The following NRG3 variants were observed in gnomAD, a reference collection of about 807,000 sequenced individuals.
NRG3 encodes the protein neuregulin 3.
Under a neutral mutation model 66.9 loss-of-function variants are expected in NRG3, and 31 were observed. That is an observed-to-expected ratio of 0.46 (90% confidence interval 0.35 to 0.63). The LOEUF is 0.63. NRG3 is among the 20% of genes least tolerant of loss of function. The pLI is 0.00. For missense variants in NRG3, 910 were observed against 878.9 expected (o/e 1.04, Z -0.45); for synonymous variants, 393 against 359.4 (o/e 1.09, Z -1.06).
At chr10:82,003,019 G>A (rs1050328996) in intron 1 of NRG3, among the ~76,000 whole-genome samples, 1 of 152,100 alleles carries the variant, frequency 6.6e-6, no homozygotes, top group African/African-American at 2.4e-5. Flanking sequence ...TGATGTGTCT[G>A]GACAAGTAAA....
At chr10:82,663,651 T>C (rs1408250735) in intron 2 of NRG3, among the ~76,000 whole-genome samples, 2 of 152,192 alleles carry the variant, frequency 1.3e-5, no homozygotes, top group African/African-American at 4.8e-5. Context: ...GCTCATCAAG[T>C]GTTTGCAGCT....
At chr10:82,645,759 G>GA (rs1196651631) in intron 2 of NRG3, among the ~76,000 whole-genome samples, 1 of 152,062 alleles carries the variant, frequency 6.6e-6, no homozygotes, top group Non-Finnish European at 1.5e-5. Context: ...TATAGGTGGG[G>GA]AAAAAACAAG....
chr10:82,216,503 T>C (rs1471785599), intron 1 of NRG3, among the ~76,000 whole-genome samples: 1 of 148,778 alleles, frequency 6.7e-6, no homozygotes, highest in Non-Finnish European at 1.5e-5. Context: ...TATCTATACA[T>C]ATACACACAC....
chr10:82,129,718 G>A (rs1428846473), intron 1 of NRG3, among the ~76,000 whole-genome samples: 4 of 151,772 alleles, frequency 2.6e-5, no homozygotes, highest in South Asian at 4.2e-4. Context: ...GCTCCACCAT[G>A]CCCGGCTAAT....
intron 2 of NRG3, among the ~76,000 whole-genome samples, chr10:82,598,123 G>A (rs928422017): frequency 5.9e-5 from 9 of 151,986 alleles, no homozygotes; most frequent in Non-Finnish European, 1.5e-5. Flanking sequence ...TTATAGACAG[G>A]CCTGAACAAC....
At chr10:82,309,646 G>C (rs7903018) in intron 1 of NRG3, among the ~76,000 whole-genome samples, 1 of 151,840 alleles carries the variant, frequency 6.6e-6, no homozygotes, top group Non-Finnish European at 1.5e-5. Context: ...GAAATCATCT[G>C]TATTGCAGGT....
chr10:82,426,283 A>G (rs758916960), intron 2 of NRG3, among the ~76,000 whole-genome samples: 1 of 152,148 alleles, frequency 6.6e-6, no homozygotes, highest in Non-Finnish European at 1.5e-5. Flanking sequence ...CTGGGACAAG[A>G]GGAATTTTAA....
intron 4 of NRG3, among the ~76,000 whole-genome samples, chr10:82,924,525 G>T (rs955597638): frequency 6.7e-6 from 1 of 150,186 alleles, no homozygotes; most frequent in Non-Finnish European, 1.5e-5. Context: ...GTTTGGTTTT[G>T]CCCATATCTG....
intron 2 of NRG3, among the ~76,000 whole-genome samples, chr10:82,526,588 G>T (rs1846723428): frequency 6.6e-6 from 1 of 151,798 alleles, no homozygotes; most frequent in African/African-American, 2.4e-5. Context: ...CAAAAGAAAG[G>T]TGTAGCTATA....
At chr10:82,584,355 G>C (rs2046543336) in intron 2 of NRG3, among the ~76,000 whole-genome samples, 2 of 152,084 alleles carry the variant, frequency 1.3e-5, no homozygotes, top group Admixed American at 1.3e-4. Flanking sequence ...CAAAGTGCTG[G>C]GATTACAGGC....
chr10:82,795,897 T>A (rs952625694), intron 3 of NRG3, among the ~76,000 whole-genome samples: 2 of 152,112 alleles, frequency 1.3e-5, no homozygotes, highest in Non-Finnish European at 2.9e-5. Flanking sequence ...TAGGGCCTAG[T>A]GCAGGAGTTC....
At chr10:82,457,516 C>A (rs1361258549) in intron 2 of NRG3, among the ~76,000 whole-genome samples, 4 of 152,042 alleles carry the variant, frequency 2.6e-5, no homozygotes, top group African/African-American at 9.7e-5. Context: ...AGGCCATGGA[C>A]CAGCAGCAGT....
intron 1 of NRG3, among the ~76,000 whole-genome samples, chr10:82,127,155 G>T (rs1235739093): frequency 6.6e-6 from 1 of 152,112 alleles, no homozygotes; most frequent in South Asian, 2.1e-4. Context: ...TGCAGGTGCT[G>T]CAAGGGCAGC....
At chr10:82,801,401 C>T (rs2061030503) in intron 3 of NRG3, among the ~76,000 whole-genome samples, 1 of 152,118 alleles carries the variant, frequency 6.6e-6, no homozygotes, top group Non-Finnish European at 1.5e-5. Flanking sequence ...AGAAAAACAT[C>T]TTTCTTTTTC....
At chr10:82,158,822 A>G (rs2071366458) in intron 1 of NRG3, among the ~76,000 whole-genome samples, 1 of 151,918 alleles carries the variant, frequency 6.6e-6, no homozygotes, top group South Asian at 2.1e-4. Flanking sequence ...GATTAAAATA[A>G]GAGCCTTTTT....
intron 1 of NRG3, among the ~76,000 whole-genome samples, chr10:81,883,035 T>A (rs1451453179): frequency 2.0e-5 from 3 of 152,138 alleles, no homozygotes; most frequent in African/African-American, 7.2e-5. Flanking sequence ...ACATTCTTGA[T>A]AAAGCAAAAT....
At chr10:82,905,931 G>T (rs1044254129) in intron 4 of NRG3, among the ~76,000 whole-genome samples, 1 of 152,096 alleles carries the variant, frequency 6.6e-6, no homozygotes, top group Non-Finnish European at 1.5e-5. Flanking sequence ...TATCCTGAGG[G>T]CAATGGGATA....
intron 2 of NRG3, among the ~76,000 whole-genome samples, chr10:82,405,458 G>T (rs28498261): frequency 0.41 from 56,383 of 139,090 alleles, 14,032 homozygotes; most frequent in African/African-American, 0.71. Flanking sequence ...TCAGTAGTTT[G>T]TTTTTTTTTT....
At chr10:82,411,752 G>A (rs796972784) in intron 2 of NRG3, among the ~76,000 whole-genome samples, 51 of 152,202 alleles carry the variant, frequency 3.4e-4, no homozygotes, top group African/African-American at 1.2e-3. Context: ...CTTCACAACT[G>A]TGGCTTCTGA....
Sources: allele counts gnomAD v4.1 joint callset (sites outside exome capture counted in the v4.1 genomes callset), GRCh38; gene constraint gnomAD v4.1.1; transcripts MANE v1.5; gene names NCBI Gene and HGNC (gene_info 2026-07-23, HGNC 2026-07-21).